PREX1: variants seen among roughly 807,000 people sequenced by gnomAD.
PREX1 encodes phosphatidylinositol 3,4,5-trisphosphate-dependent Rac exchanger 1 protein.
Under a neutral mutation model 198.3 loss-of-function variants are expected in PREX1, and 41 were observed. The ratio of observed to expected loss-of-function variants is 0.21; its 90% CI spans 0.16 to 0.27. The LOEUF is 0.27. Ranked by LOEUF, PREX1 falls within the 10% of genes least tolerant of loss-of-function variation. PREX1 has a pLI of 1.00. For synonymous variants in PREX1, 843 were observed against 887.2 expected, an observed-to-expected ratio of 0.95 and a Z score of 0.89; for missense variants, 1,620 against 2,200.7, an observed-to-expected ratio of 0.74 and a Z score of 5.28.
chr20:48,688,960 G>A (rs1432300736), intron 9 of PREX1, among the ~76,000 whole-genome samples, 156 bp from the exon 10 acceptor site: 1 of 152,180 alleles, frequency 6.6e-6, no homozygotes, highest in African/African-American at 2.4e-5. Flanking sequence ...CAGCTAGAGG[G>A]CACTGACTGT....
chr20:48,639,726 G>A, intron 30 of PREX1, 40 bp downstream of exon 30: 1 of 1,606,734 alleles, frequency 6.2e-7, no homozygotes, highest in Non-Finnish European at 8.5e-7. Context: ...AAAAGCCATG[G>A]CCCCCTCCCC....
At chr20:48,844,259 C>T in the PREX1 span, among the ~76,000 whole-genome samples, 8 of 152,142 alleles carry the variant, frequency 5.3e-5, no homozygotes, top group African/African-American at 1.9e-4. Flanking sequence ...ATTTGGGATA[C>T]CCTGTACCCC....
At chr20:48,829,161 A>G (rs6125475), upstream of PREX1, among the ~76,000 whole-genome samples, 21 of 152,252 alleles carry the variant, frequency 1.4e-4, no homozygotes, top group East Asian at 3.3e-3. Flanking sequence ...GTGAAGCCCA[A>G]CACCTAGAAA....
chr20:48,627,101 T>C (rs566181833), intron 39 of PREX1, among the ~76,000 whole-genome samples: 1 of 152,118 alleles, frequency 6.6e-6, no homozygotes, highest in African/African-American at 2.4e-5. Flanking sequence ...TTTCTGTAAA[T>C]GGCTAAAAGG....
chr20:48,733,690 C>CTGT (rs1182087284), intron 4 of PREX1, among the ~76,000 whole-genome samples: 9 of 71,102 alleles, frequency 1.3e-4, no homozygotes, highest in African/African-American at 4.0e-4. Context: ...GTAAATCCCT[C>CTGT]TGTTGTTGTT....
rs757960011 is a variant in PREX1, at chr20:48,632,439, G to C, written c.4412-48C>G. ...CGGGCAGGCGGTTGGGAGCCGGTGT[G>C]CTTGGTGGCCTTGGCCCGGCCCCCG... On this transcript the variant is annotated intron_variant, in intron 34 of 39. Transcript: ENST00000371941. The C allele has an allele frequency of 3.1e-6, 5 of 1,613,264 alleles. No homozygotes were observed. In the East Asian group the frequency reaches 8.9e-5, roughly 29 times the overall value.
intron 5 of PREX1, among the ~76,000 whole-genome samples, chr20:48,723,220 C>A (rs537299112): frequency 6.6e-6 from 1 of 152,324 alleles, no homozygotes; most frequent in Non-Finnish European, 1.5e-5. Flanking sequence ...GAGTTCAGCT[C>A]AAACAAGAGG....
rs1351738992 is a variant in PREX1 at position 48,827,953 on chromosome 20, G to C, written c.-93C>G. On this transcript the variant is annotated 5_prime_UTR_variant, in exon 1 of 40. Coordinates refer to ENST00000371941, the MANE Select transcript of PREX1 (RefSeq NM_020820.4). This position sits in a 1 kb window ranked among gnomAD's most constrained non-coding sequence, Gnocchi z 4.1. Reference sequence around the variant, plus strand: ...CCATCCCGGACGGGGCGCGCCGGCGGGCCGGGCTCAGCGGCGGGCCGGGCT... The same window carrying C: ...CCATCCCGGACGGGGCGCGCCGGCGCGCCGGGCTCAGCGGCGGGCCGGGCT... The C allele has an allele frequency of 7.0e-6, 3 of 426,688 alleles. No homozygotes were observed. Among genetic ancestry groups the C allele is most frequent in the Non-Finnish European group, 9.3e-6 (3 of 323,076 alleles). 26.4% of individuals were successfully genotyped at this position (426,688 alleles called of 1,614,324 possible). A position where few individuals can be genotyped will look rare whatever the true frequency, so the allele number is the denominator to read the frequency against.
In PREX1 at chr20:48,645,880, G is replaced by A. The variant is rs533666594; in HGVS notation, c.3483C>T (p.His1161=). ...AGGAGTCGCGATAACTCATGGTGTC[G>A]TGGCCTGAGTCCTCCTGGTCCTCCT... ...VAEEDQEDSG[H]DTMSYRDSYS... The change falls in exon 26 of 40, where the codon CAC becomes CAT. Residue 1161 remains histidine (H), a synonymous_variant. Coordinates refer to ENST00000371941, the MANE Select transcript of PREX1 (RefSeq NM_020820.4). 1.1e-5 allele frequency: 17 copies of A among 1,614,168 alleles called. 1 individual carries two copies. The highest frequency in any genetic ancestry group is 6.7e-5 in the East Asian group (3 of 44,882).
intron 1 of PREX1, among the ~76,000 whole-genome samples, chr20:48,812,709 GGC>G (rs2090441915): frequency 6.6e-6 from 1 of 152,198 alleles, no homozygotes; most frequent in Non-Finnish European, 1.5e-5. Flanking sequence ...AGGAAACCGA[GGC>G]ACACACAGAT....
intron 1 of PREX1, among the ~76,000 whole-genome samples, chr20:48,814,127 C>T (rs2090448938): frequency 1.3e-5 from 2 of 152,230 alleles, no homozygotes; most frequent in Admixed American, 1.3e-4. Flanking sequence ...TGGGTTCATG[C>T]TCCCAAGACA....
the PREX1 span, among the ~76,000 whole-genome samples, chr20:48,857,956 A>G: frequency 6.6e-6 from 1 of 152,242 alleles, no homozygotes; most frequent in South Asian, 2.1e-4. Context: ...GGCGGGGGCA[A>G]GCTTGGCCTT....
At chr20:48,720,469 C>G (rs757696077) in intron 5 of PREX1, among the ~76,000 whole-genome samples, 1 of 151,954 alleles carries the variant, frequency 6.6e-6, no homozygotes, top group Non-Finnish European at 1.5e-5. Context: ...TGAATGGCTT[C>G]AAAAACCCTA....
At chr20:48,814,379 A>G (rs2123054763) in intron 1 of PREX1, among the ~76,000 whole-genome samples, 1 of 152,338 alleles carries the variant, frequency 6.6e-6, no homozygotes, top group Middle Eastern at 3.4e-3. Flanking sequence ...CAAGAAGAAA[A>G]TCAGTGCAGT....
chr20:48,770,565 C>G (rs1411260675), intron 1 of PREX1, among the ~76,000 whole-genome samples: 4 of 152,150 alleles, frequency 2.6e-5, no homozygotes, highest in Non-Finnish European at 4.4e-5. Flanking sequence ...AAAAAATTAG[C>G]CAGACATGGT....
chr20:48,625,020 A>T lies in PREX1; in HGVS notation c.*865T>A, dbSNP rs1435958470. 1 of 152,382 alleles carries T rather than the reference A, an allele frequency of 6.6e-6. No homozygotes were observed. Among genetic ancestry groups the T allele is most frequent in the Non-Finnish European group, 1.5e-5 (1 of 67,998 alleles). 9.4% of individuals were successfully genotyped at this position (152,382 alleles called of 1,614,324 possible). A position where few individuals can be genotyped will look rare whatever the true frequency, so the allele number is the denominator to read the frequency against. On this transcript the variant is annotated 3_prime_UTR_variant, in exon 40 of 40. Coordinates refer to ENST00000371941, the MANE Select transcript of PREX1 (RefSeq NM_020820.4). ...ATATTAACAAACAGGAAACAATGAC[A>T]TTTTTTAATTTTTCAATAATTTAGT...
At chr20:48,646,137 G>A in intron 25 of PREX1, 80 bp from the exon 26 acceptor site, 1 of 1,405,924 alleles carries the variant, frequency 7.1e-7, no homozygotes, top group Non-Finnish European at 9.9e-7. Flanking sequence ...ACCAGCAGCT[G>A]CAGGTGTGAG....
chr20:48,708,196 G>T, intron 6 of PREX1, 64 bp downstream of exon 6: 1 of 1,560,084 alleles, frequency 6.4e-7, no homozygotes, highest in South Asian at 1.1e-5. Context: ...CTCAGTTCAT[G>T]ACTGCACCTG....
At chr20:48,699,429 C>T (rs1433805279) in intron 7 of PREX1, among the ~76,000 whole-genome samples, 1 of 152,090 alleles carries the variant, frequency 6.6e-6, no homozygotes, top group East Asian at 1.9e-4. Context: ...GGTCAGGAAT[C>T]TCTCTGTGCC....
Sources: allele counts gnomAD v4.1 joint callset (sites outside exome capture counted in the v4.1 genomes callset), GRCh38; gene constraint gnomAD v4.1.1; non-coding constraint Gnocchi (gnomAD v3.1); transcripts MANE v1.5; gene names NCBI Gene and HGNC (gene_info 2026-07-23, HGNC 2026-07-21).